ST7: variants seen among roughly 807,000 people sequenced by gnomAD.
The protein encoded by ST7 is suppression of tumorigenicity 7.
In ST7, 28 loss-of-function variants were observed where a neutral mutation model predicts 78.7. The ratio of observed to expected loss-of-function variants is 0.36; its 90% CI spans 0.26 to 0.49. The LOEUF is 0.49. Ranked by LOEUF, ST7 falls within the 20% of genes least tolerant of loss-of-function variation. The pLI is 0.99. For synonymous variants in ST7, 247 were observed against 249.6 expected (o/e 0.99, Z 0.10); for missense variants, 418 against 696.0 (o/e 0.60, Z 4.49).
At position 117,138,460 on chromosome 7, in the gene ST7, C is replaced by T. The variant is rs1251550749; in HGVS notation, c.891C>T (p.Tyr297=). 2 of 1,607,846 alleles carry T rather than the reference C, an allele frequency of 1.2e-6. No individual in the cohort carries two copies. Among genetic ancestry groups the T allele is most frequent in the Admixed American group, 1.7e-5 (1 of 59,510 alleles). ...GACGAGACACCAATGTCTTGGTGTA[C>T]ATCAAAAGAAGGCTAGCAATGTGTG... is the stretch of plus-strand genomic sequence containing the variant. ...QHRRDTNVLV[Y]IKRRLAMCAR... Residue 297 remains tyrosine, a synonymous_variant, in exon 9 of 16, where the codon TAC becomes TAT. Coordinates refer to ENST00000323984, the MANE Select transcript of ST7 (RefSeq NM_001369598.1).
intron 9 of ST7, among the ~76,000 whole-genome samples, chr7:117,165,939 T>A (rs1328779833): frequency 2.0e-5 from 3 of 152,172 alleles, no homozygotes; most frequent in Non-Finnish European, 4.4e-5. Context: ...GAGGTTGGCA[T>A]ATTAGACAGG....
intron 1 of ST7, among the ~76,000 whole-genome samples, chr7:117,037,354 C>A (rs1254985786): frequency 6.6e-6 from 1 of 152,140 alleles, no homozygotes; most frequent in African/African-American, 2.4e-5. Flanking sequence ...AGAAAGAAGG[C>A]AGTCAAATGC....
At chr7:116,975,780 G>C (rs964274687) in intron 1 of ST7, among the ~76,000 whole-genome samples, 1 of 151,982 alleles carries the variant, frequency 6.6e-6, no homozygotes, top group Admixed American at 6.6e-5. Context: ...ATAGAAAAAG[G>C]GTGTTTCAGA....
At chr7:116,960,854 G>A (rs1424837217) in intron 1 of ST7, among the ~76,000 whole-genome samples, 3 of 152,082 alleles carry the variant, frequency 2.0e-5, no homozygotes, top group Admixed American at 1.3e-4. Context: ...TGCTTTTATT[G>A]TAGTTGCTTT....
chr7:117,221,856 A>G (rs896158434), intron 14 of ST7, 67 bp from the exon 15 acceptor site: 3 of 1,495,868 alleles, frequency 2.0e-6, no homozygotes, highest in African/African-American at 1.4e-5. Context: ...CAGTGCCACC[A>G]TAAAGACCTC....
chr7:116,974,440 T>C (rs564073501), intron 1 of ST7, among the ~76,000 whole-genome samples: 29 of 152,134 alleles, frequency 1.9e-4, no homozygotes, highest in South Asian at 4.2e-4. Flanking sequence ...TACAGGCATC[T>C]GCCACCACGC....
At chr7:117,020,301 A>G in intron 1 of ST7, 1 of 427,396 alleles carries the variant, frequency 2.3e-6, no homozygotes, top group Non-Finnish European at 4.2e-6. Context: ...TACCTAGTCC[A>G]GCCTCACCGC....
chr7:117,049,226 AT>A (rs373894878), intron 1 of ST7, among the ~76,000 whole-genome samples: 2 of 152,136 alleles, frequency 1.3e-5, no homozygotes, highest in African/African-American at 4.8e-5. Flanking sequence ...AATCCTGGTG[AT>A]TCCTTCTCTT....
rs545417058 is a variant in ST7 at position 117,127,361 on chromosome 7, T to G, written c.395-2432T>G. On this transcript the variant is annotated intron_variant, in intron 3 of 15. Transcript: ENST00000323984. ...TATGAGGTATGTTACCTAGAGTGATTCTAGATTGAGTTTTTGCAGACAAGA... is the reference window on the plus strand; with the variant it reads ...TATGAGGTATGTTACCTAGAGTGATGCTAGATTGAGTTTTTGCAGACAAGA... 2.8e-4 allele frequency among the ~76,000 whole-genome samples: 42 copies of G among 151,962 alleles called. No homozygotes were observed. In the South Asian group the frequency reaches 8.7e-3, roughly 32 times the overall value.
At chr7:117,006,258 C>G (rs1795153827) in intron 1 of ST7, among the ~76,000 whole-genome samples, 1 of 152,186 alleles carries the variant, frequency 6.6e-6, no homozygotes, top group African/African-American at 2.4e-5. Context: ...CCTCTTACTT[C>G]CATCTTTAAA....
chr7:117,226,997 T>C (rs1793490762), intron 15 of ST7, among the ~76,000 whole-genome samples: 1 of 152,178 alleles, frequency 6.6e-6, no homozygotes, highest in South Asian at 2.1e-4. Context: ...AAAGGGAGCA[T>C]TTATGGACAT....
rs1013130353 is a variant in ST7, at chr7:117,010,597, A to G, written c.151+56906A>G. 5.9e-5 allele frequency among the ~76,000 whole-genome samples: 9 copies of G among 152,222 alleles called. No individual in the cohort carries two copies. The East Asian group carries it at 1.7e-3, about 29-fold the overall frequency. ...AGTAATAAGGTGAAATTGGGATGTG[A>G]CATAACCTTAAGGCATTTTGACTTA... is the stretch of plus-strand genomic sequence containing the variant. On this transcript the variant is annotated intron_variant, in intron 1 of 15. Coordinates refer to ENST00000323984, the MANE Select transcript of ST7 (RefSeq NM_001369598.1).
chr7:117,214,977 T>TAC (rs149303651), intron 13 of ST7, among the ~76,000 whole-genome samples: 18 of 145,238 alleles, frequency 1.2e-4, no homozygotes, highest in East Asian at 2.1e-4. Context: ...AAGCAAAAAA[T>TAC]ACACACACAC....
intron 2 of ST7, among the ~76,000 whole-genome samples, chr7:117,113,440 AAAAG>A (rs1440327338): frequency 1.3e-5 from 2 of 151,846 alleles, no homozygotes; most frequent in Admixed American, 6.5e-5. Flanking sequence ...AAGAAAAAGG[AAAAG>A]AAAGAGAGAA....
intron 15 of ST7, among the ~76,000 whole-genome samples, chr7:117,227,456 T>C (rs1445500146): frequency 6.6e-6 from 1 of 152,250 alleles, no homozygotes; most frequent in Non-Finnish European, 1.5e-5. Flanking sequence ...TGTAACACTT[T>C]AACTCCTCTT....
intron 10 of ST7, 72 bp from the exon 11 acceptor site, chr7:117,189,249 C>T (rs951892714): frequency 3.1e-6 from 3 of 977,070 alleles, no homozygotes; most frequent in Non-Finnish European, 4.7e-6. Flanking sequence ...GATTAAAATG[C>T]TAGTGTATTG....
In ST7 at chr7:117,157,625, A is replaced by G. The variant is rs150838935; in HGVS notation, c.964-13237A>G. On this transcript the variant is annotated intron_variant, in intron 9 of 15. Coordinates refer to ENST00000323984, the MANE Select transcript of ST7 (RefSeq NM_001369598.1). Reference sequence around the variant, plus strand: ...ATTAATCTACTGAATAGAATTATTTACTATTACCCATGTGAATGTGGAAGG... The same window carrying G: ...ATTAATCTACTGAATAGAATTATTTGCTATTACCCATGTGAATGTGGAAGG... Among the ~76,000 whole-genome samples, 1,281 of 152,320 alleles carry G rather than the reference A, an allele frequency of 8.4e-3. 8 individuals carry two copies. The highest frequency in any genetic ancestry group is 0.014 in the Non-Finnish European group (980 of 68,018).
At chr7:116,975,588 A>G (rs1327806060) in intron 1 of ST7, among the ~76,000 whole-genome samples, 3 of 151,632 alleles carry the variant, frequency 2.0e-5, no homozygotes, top group South Asian at 4.2e-4. Context: ...TTGTATTTTT[A>G]CTAGAGACAG....
intron 1 of ST7, among the ~76,000 whole-genome samples, chr7:116,958,170 T>TTC (rs1792621977): frequency 7.0e-6 from 1 of 143,680 alleles, no homozygotes; most frequent in Non-Finnish European, 1.5e-5. Context: ...TAATTTTTTT[T>TTC]TTTTTTTTTT....
Sources: allele counts gnomAD v4.1 joint callset (sites outside exome capture counted in the v4.1 genomes callset), GRCh38; gene constraint gnomAD v4.1.1; transcripts MANE v1.5; gene names NCBI Gene and HGNC (gene_info 2026-07-23, HGNC 2026-07-21).